The following NFIB variants were observed in gnomAD, a reference collection of about 807,000 sequenced individuals.
NFIB encodes the protein nuclear factor 1 B-type.
NFIB carries 11 observed loss-of-function variants against 61.5 expected under a neutral mutation model. The observed-to-expected ratio is 0.18, with a 90% confidence interval of 0.11 to 0.30. NFIB has a LOEUF of 0.30. Among genes scored for constraint, NFIB ranks in the 10% least tolerant of loss-of-function variants. The pLI is 1.00. For missense variants in NFIB, 471 were observed against 608.9 expected (o/e 0.77, Z 2.38); for synonymous variants, 260 against 216.5 (o/e 1.20, Z -1.76).
At chr9:14,218,784 T>C (rs575273538) in intron 2 of NFIB, among the ~76,000 whole-genome samples, 1 of 152,322 alleles carries the variant, frequency 6.6e-6, no homozygotes, top group East Asian at 1.9e-4. Flanking sequence ...AGTGGATGCC[T>C]AGATTTCTAT....
chr9:14,356,665 T>C (rs1461430116), intron 1 of NFIB, among the ~76,000 whole-genome samples: 1 of 151,992 alleles, frequency 6.6e-6, no homozygotes, highest in African/African-American at 2.4e-5. Context: ...TCAGGATTAT[T>C]AAGGGGTCCT....
At chr9:14,102,637 G>C in intron 10 of NFIB, 4 of 430,812 alleles carry the variant, frequency 9.3e-6, no homozygotes, top group Non-Finnish European at 1.1e-5. Context: ...GCAACTTAAA[G>C]AAAAAAAAAA....
chr9:14,238,385 T>C (rs2054014043), intron 2 of NFIB, among the ~76,000 whole-genome samples: 1 of 152,154 alleles, frequency 6.6e-6, no homozygotes, highest in African/African-American at 2.4e-5. Flanking sequence ...GACAGTCTTG[T>C]GAAGAGTTTA....
chr9:14,318,882 A>T (rs552471231), upstream of NFIB, among the ~76,000 whole-genome samples: 54 of 152,320 alleles, frequency 3.5e-4, no homozygotes, highest in Non-Finnish European at 5.4e-4. Flanking sequence ...TAATCAAATT[A>T]CCCAGCTCTT....
intron 2 of NFIB, among the ~76,000 whole-genome samples, chr9:14,260,770 T>C (rs566162062): frequency 1.8e-4 from 28 of 152,274 alleles, no homozygotes; most frequent in Admixed American, 7.8e-4. Context: ...TCTTCTATAC[T>C]GGGTTCAGGC....
At chr9:14,176,418 G>C (rs1269932881) in intron 3 of NFIB, among the ~76,000 whole-genome samples, 1 of 152,056 alleles carries the variant, frequency 6.6e-6, no homozygotes, top group Non-Finnish European at 1.5e-5. Flanking sequence ...CTGAGTTGTA[G>C]AGCACCTTCA....
At chr9:14,131,665 G>A (rs542951038) in intron 6 of NFIB, among the ~76,000 whole-genome samples, 14 of 152,298 alleles carry the variant, frequency 9.2e-5, no homozygotes, top group African/African-American at 2.4e-4. Context: ...ACGTGTTTAC[G>A]TCAGCCCTTA....
At chr9:14,495,599 G>A in the NFIB span, among the ~76,000 whole-genome samples, 1 of 151,992 alleles carries the variant, frequency 6.6e-6, no homozygotes, top group Admixed American at 6.6e-5. Context: ...GCATCAGCTG[G>A]AAGCTAAGAT....
In NFIB at chr9:14,084,325, G is replaced by C. The variant is rs1313465276; in HGVS notation, c.*3984C>G. 4.7e-6 allele frequency: 1 copy of C among 213,702 alleles called. No homozygotes were observed. Among genetic ancestry groups the C allele is most frequent in the Non-Finnish European group, 9.5e-6 (1 of 105,540 alleles). The allele number at this position is 213,702 out of a possible 1,614,324, so 13.2% of individuals were successfully genotyped here. A position where few individuals can be genotyped will look rare whatever the true frequency, so the allele number is the denominator to read the frequency against. On this transcript the variant is annotated 3_prime_UTR_variant, in exon 11 of 11. Transcript: ENST00000380953. The stretch of plus-strand genomic sequence containing the variant: ...AAAAAATTCTTAACAAAACTATACA[G>C]TGTACAAATTACTGTCTACAAGGTA...
chr9:14,084,987 C>A lies in NFIB; in HGVS notation c.*3322G>T. Reference sequence around the variant, plus strand: ...CTGGCAAAAAAGAGAGCGAGTCTGCCTTTAAAAAATACTGTGTGTCCTGTG... The same window carrying A: ...CTGGCAAAAAAGAGAGCGAGTCTGCATTTAAAAAATACTGTGTGTCCTGTG... On this transcript the variant is annotated 3_prime_UTR_variant, in exon 11 of 11. Coordinates refer to ENST00000380953, the MANE Select transcript of NFIB (RefSeq NM_001190737.2). 1 of 229,498 alleles carries A rather than the reference C, an allele frequency of 4.4e-6. No homozygotes were observed. The highest frequency in any genetic ancestry group is 6.2e-5 in the East Asian group (1 of 16,074). 14.2% of individuals were successfully genotyped at this position (229,498 alleles called of 1,614,324 possible). A position where few individuals can be genotyped will look rare whatever the true frequency, so the allele number is the denominator to read the frequency against.
intron 10 of NFIB, among the ~76,000 whole-genome samples, chr9:14,104,996 T>A (rs1587215333): frequency 6.6e-6 from 1 of 152,176 alleles, no homozygotes; most frequent in Admixed American, 6.5e-5. Context: ...TGATTGCTTA[T>A]TGTCCCACAG....
intron 10 of NFIB, among the ~76,000 whole-genome samples, chr9:14,095,076 C>T (rs547632943): frequency 1.3e-4 from 20 of 152,224 alleles, no homozygotes; most frequent in African/African-American, 4.8e-4. Flanking sequence ...CTTATAATTA[C>T]TGCACTCGTT....
chr9:14,416,040 G>C, the NFIB span, among the ~76,000 whole-genome samples: 1 of 152,178 alleles, frequency 6.6e-6, no homozygotes, highest in Admixed American at 6.5e-5. Context: ...AAATGGGCTT[G>C]AATTTCAGCA....
chr9:14,363,436 G>A (rs567933451), intron 1 of NFIB, among the ~76,000 whole-genome samples: 75 of 152,176 alleles, frequency 4.9e-4, no homozygotes, highest in South Asian at 1.9e-3. Flanking sequence ...TTGGTTAAGC[G>A]GTATCATTGT....
In NFIB at chr9:14,248,567, G is replaced by A. The variant is rs527429584; in HGVS notation, c.562+58422C>T. Among the ~76,000 whole-genome samples the A allele has an allele frequency of 2.8e-4, 42 of 152,154 alleles. No individual in the cohort carries two copies. In the East Asian group the frequency reaches 4.6e-3, roughly 17 times the overall value. ...ATTACAGGCATGAGCCACCACGCCC[G>A]GCCTCTATTACTTTTTGTTAGTAAT... On this transcript the variant is annotated intron_variant, in intron 2 of 10. Transcript: ENST00000380953.
chr9:14,090,245 C>G (rs190433043), intron 10 of NFIB, among the ~76,000 whole-genome samples: 1 of 152,010 alleles, frequency 6.6e-6, no homozygotes, highest in South Asian at 2.1e-4. Flanking sequence ...TAAAAAGACA[C>G]GTCCTCAAAA....
At chr9:14,487,186 C>T in the NFIB span, among the ~76,000 whole-genome samples, 1 of 152,156 alleles carries the variant, frequency 6.6e-6, no homozygotes, top group African/African-American at 2.4e-5. Flanking sequence ...AAGGTTTGAG[C>T]GCACACGAAA....
chr9:14,385,567 C>T (rs565791655), intron 1 of NFIB, among the ~76,000 whole-genome samples: 119 of 152,224 alleles, frequency 7.8e-4, no homozygotes, highest in African/African-American at 2.6e-3. Context: ...ATAACACAGA[C>T]AATTCTTACT....
At chr9:14,272,854 C>T (rs753978744) in intron 2 of NFIB, among the ~76,000 whole-genome samples, 3 of 152,030 alleles carry the variant, frequency 2.0e-5, no homozygotes, top group East Asian at 3.9e-4. Flanking sequence ...TCTTTTCTCT[C>T]GGTAAACAAT....
Sources: allele counts gnomAD v4.1 joint callset (sites outside exome capture counted in the v4.1 genomes callset), GRCh38; gene constraint gnomAD v4.1.1; transcripts MANE v1.5; gene names NCBI Gene and HGNC (gene_info 2026-07-23, HGNC 2026-07-21).